Variants in CD99L2 observed in about 807,000 individuals in gnomAD.
CD99L2 encodes CD99 molecule like 2.
In CD99L2, 24 loss-of-function variants were observed where a neutral mutation model predicts 27.3. That is an observed-to-expected ratio of 0.88 (90% confidence interval 0.64 to 1.24). The LOEUF (loss-of-function observed/expected upper bound fraction) is 1.24, where lower values mean the gene tolerates loss of function less well. Ranked by LOEUF, CD99L2 falls within the 50% of genes most tolerant of loss-of-function variation. The probability of loss-of-function intolerance (pLI) is 0.00; values close to 1 mark genes in which losing one functional copy is unlikely to be tolerated. For missense variants in CD99L2, 255 were observed against 221.6 expected (o/e 1.15, Z -0.96); for synonymous variants, 97 against 87.9 (o/e 1.10, Z -0.58).
intron 1 of CD99L2, among the ~76,000 whole-genome samples, chrX:150,865,857 C>T (rs1367736115): frequency 8.9e-6 from 1 of 111,955 alleles, no homozygotes; most frequent in African/African-American, 3.2e-5. Flanking sequence ...GTGGTGGCTC[C>T]CACCTGTCAT....
chrX:150,795,021 C>T (rs1557419848), intron 6 of CD99L2, among the ~76,000 whole-genome samples, 185 bp downstream of exon 6: 2 of 112,431 alleles, frequency 1.8e-5, no homozygotes. Flanking sequence ...ACGTGACCCA[C>T]ATAAGCAAAA....
At chrX:150,864,789 T>C (rs945226784) in intron 1 of CD99L2, among the ~76,000 whole-genome samples, 4 of 112,642 alleles carry the variant, frequency 3.6e-5, no homozygotes, top group East Asian at 2.8e-4. Context: ...TAATGACATA[T>C]AAAGAACAGG....
chrX:150,807,211 T>C (rs1291551792), intron 4 of CD99L2, among the ~76,000 whole-genome samples: 2 of 110,913 alleles, frequency 1.8e-5, no homozygotes, highest in Non-Finnish European at 1.9e-5. Context: ...TAATCTTCCA[T>C]TCAGTAGGAG....
chrX:150,831,196 T>C, intron 2 of CD99L2, 35 bp downstream of exon 2: 1 of 1,068,388 alleles, frequency 9.4e-7, no homozygotes. Flanking sequence ...ATCACTACTG[T>C]TTGTTTTTAA....
chrX:150,778,679 A>AT (rs1569565875), intron 7 of CD99L2, among the ~76,000 whole-genome samples: 97 of 24,104 alleles, frequency 4.0e-3, no homozygotes, highest in African/African-American at 0.01. Flanking sequence ...ATAATAAAAA[A>AT]AAAAAAATAT....
At chrX:150,864,167 G>A (rs2047024044) in intron 1 of CD99L2, among the ~76,000 whole-genome samples, 1 of 111,874 alleles carries the variant, frequency 8.9e-6, no homozygotes, top group African/African-American at 3.3e-5. Context: ...AATCTGACAG[G>A]CTTCCTGGAA....
chrX:150,892,967 C>CA lies in CD99L2; in HGVS notation c.67+5554dup, dbSNP rs781965230. Among the ~76,000 whole-genome samples, 196 of 111,457 alleles carry CA rather than the reference C, an allele frequency of 1.8e-3. 1 individual carries two copies. Among genetic ancestry groups the CA allele is most frequent in the African/African-American group, 5.9e-3 (182 of 30,632 alleles). On this transcript the variant is annotated intron_variant, in intron 1 of 10. Transcript: ENST00000370377. Reference sequence around the variant, plus strand: ...CGAAACCCCGTCTCTACTAAAAATACAAAAAAATTAGCCGGGTGTGATGGC... The same window carrying CA: ...CGAAACCCCGTCTCTACTAAAAATACAAAAAAAATTAGCCGGGTGTGATGGC...
rs186894823 is a variant in CD99L2, at chrX:150,786,156, G to T, written c.496+7535C>A. 1.8e-3 allele frequency among the ~76,000 whole-genome samples: 197 copies of T among 110,750 alleles called. 2 individuals are homozygous for T. The highest frequency in any genetic ancestry group is 6.2e-3 in the African/African-American group (190 of 30,441). On this transcript the variant is annotated intron_variant, in intron 7 of 10. Transcript: ENST00000370377. The stretch of plus-strand genomic sequence containing the variant: ...CTTTTAAATTTTAGTTATTCTGGAG[G>T]ATGTGTTGTGGTATCTCATGGTGGT...
chrX:150,793,597 C>G (rs1193655414), intron 7 of CD99L2, 94 bp downstream of exon 7: 2 of 729,175 alleles, frequency 2.7e-6, no homozygotes, highest in Non-Finnish European at 4.0e-6. Flanking sequence ...TGGGAACTAC[C>G]ACTCATTTCC....
At chrX:150,880,697 AAAG>A (rs2047312100) in intron 1 of CD99L2, among the ~76,000 whole-genome samples, 2 of 111,947 alleles carry the variant, frequency 1.8e-5, no homozygotes, top group African/African-American at 6.5e-5. Flanking sequence ...ATGGTGTGTG[AAAG>A]AAAATGGAAC....
chrX:150,792,688 A>G (rs2045711461), intron 7 of CD99L2, among the ~76,000 whole-genome samples: 1 of 111,857 alleles, frequency 8.9e-6, no homozygotes, highest in African/African-American at 3.3e-5. Context: ...TGTAACAGCA[A>G]TTTGCCATTG....
rs184897711 is a variant in CD99L2, at chrX:150,884,456, A to G, written c.67+14066T>C. Among the ~76,000 whole-genome samples, 6 of 112,024 alleles carry G rather than the reference A, an allele frequency of 5.4e-5. 1 individual carries two copies. The highest frequency in any genetic ancestry group is 1.9e-4 in the African/African-American group (6 of 30,827). On this transcript the variant is annotated intron_variant, in intron 1 of 10. Coordinates refer to ENST00000370377, the MANE Select transcript of CD99L2 (RefSeq NM_031462.4). ...CAGTTTGGGAAGCTGAGGTGGGTGGATTGCTTGAGCTTGGGGTTCAAGACT... is the reference window on the plus strand; with the variant it reads ...CAGTTTGGGAAGCTGAGGTGGGTGGGTTGCTTGAGCTTGGGGTTCAAGACT...
chrX:150,828,780 T>C, intron 2 of CD99L2: 1 of 111,619 alleles, frequency 9.0e-6, no homozygotes, highest in Non-Finnish European at 1.9e-5. Flanking sequence ...GGTACTATTA[T>C]AACAACATCA....
At chrX:150,865,502 T>C (rs1479524570) in intron 1 of CD99L2, among the ~76,000 whole-genome samples, 1 of 111,417 alleles carries the variant, frequency 9.0e-6, no homozygotes, top group African/African-American at 3.3e-5. Flanking sequence ...GATAAATAGA[T>C]AGATAAATAA....
chrX:150,846,486 C>T (rs1045789997), intron 1 of CD99L2, among the ~76,000 whole-genome samples: 10 of 111,494 alleles, frequency 9.0e-5, no homozygotes, highest in African/African-American at 2.6e-4. Flanking sequence ...TAACAAGAGA[C>T]CCTACTGCAG....
At chrX:150,778,498 ATGTGGGGGTGGGGGAAACAT>A (rs2045445648) in intron 7 of CD99L2, among the ~76,000 whole-genome samples, 2 of 88,668 alleles carry the variant, frequency 2.3e-5, no homozygotes, top group Non-Finnish European at 4.3e-5. Flanking sequence ...GGCTGTGCAC[ATGTGGGGGTGGGGGAAACAT>A]GAGAACTCTC....
At chrX:150,788,823 A>G (rs2045639554) in intron 7 of CD99L2, among the ~76,000 whole-genome samples, 1 of 111,655 alleles carries the variant, frequency 9.0e-6, no homozygotes, top group Admixed American at 9.5e-5. Context: ...ACTTTACAAT[A>G]AACTGTCAAG....
intron 7 of CD99L2, among the ~76,000 whole-genome samples, chrX:150,778,213 A>G (rs1348556516): frequency 9.1e-6 from 1 of 110,355 alleles, no homozygotes; most frequent in Non-Finnish European, 1.9e-5. Flanking sequence ...TTCCACAGAC[A>G]GCTACTCCCT....
At chrX:150,771,513 G>T (rs781808475) in intron 9 of CD99L2, among the ~76,000 whole-genome samples, 1 of 111,688 alleles carries the variant, frequency 9.0e-6, no homozygotes, top group East Asian at 2.9e-4. Flanking sequence ...CCTGTGGGTG[G>T]CCCTCTATGT....
Sources: allele counts gnomAD v4.1 joint callset (sites outside exome capture counted in the v4.1 genomes callset), GRCh38; gene constraint gnomAD v4.1.1; transcripts MANE v1.5; gene names NCBI Gene and HGNC (gene_info 2026-07-23, HGNC 2026-07-21).